Variants in XIRP2 observed in about 807,000 individuals in gnomAD.
XIRP2 encodes xin actin binding repeat containing 2.
XIRP2 carries 236 observed loss-of-function variants against 277.0 expected under a neutral mutation model. That is an observed-to-expected ratio of 0.85 (90% CI 0.77 to 0.95). The LOEUF is 0.95. Among genes scored for constraint, XIRP2 ranks in the 40% least tolerant of loss-of-function variants. The probability of loss-of-function intolerance (pLI) is 0.00; values close to 1 mark genes in which losing one functional copy is unlikely to be tolerated. For synonymous variants in XIRP2, 1,490 were observed against 1,416.5 expected (o/e 1.05, Z -1.17); for missense variants, 4,640 against 4,157.5 (o/e 1.12, Z -3.19).
intron 3 of XIRP2, among the ~76,000 whole-genome samples, chr2:167,191,075 A>G (rs1333580495): frequency 1.3e-5 from 2 of 151,860 alleles, no homozygotes; most frequent in African/African-American, 4.8e-5. Context: ...AGTCTCAGCT[A>G]CTTGGGAGGT....
intron 2 of XIRP2, among the ~76,000 whole-genome samples, chr2:167,120,960 T>C (rs1386598645): frequency 6.6e-6 from 1 of 152,164 alleles, no homozygotes; most frequent in Admixed American, 6.5e-5. Flanking sequence ...GTAGCTACCA[T>C]GTATTGAATG....
chr2:167,245,412 A>C lies in XIRP2; in HGVS notation c.4020A>C (p.Glu1340Asp). 1 of 1,613,780 alleles carries C rather than the reference A, an allele frequency of 6.2e-7. No individual in the cohort carries two copies. The highest frequency in any genetic ancestry group is 8.5e-7 in the Non-Finnish European group (1 of 1,179,760). The stretch of plus-strand genomic sequence containing the variant: ...ATGAAGTGACCACAGTTAAAAAAGA[A>C]GAGGTAATTCATGGAGATGTGCGAG... ...SYHEVTTVKK[E>D]EVIHGDVRGT... The change falls in exon 9 of 11, where the codon GAA becomes GAC. Residue 1340 changes from glutamate to aspartate, a missense_variant. Transcript: ENST00000409195.
intron 2 of XIRP2, among the ~76,000 whole-genome samples, chr2:167,093,161 A>G (rs993021933): frequency 6.6e-6 from 1 of 151,962 alleles, no homozygotes; most frequent in Non-Finnish European, 1.5e-5. Flanking sequence ...TGCGTAATCA[A>G]TGCTATTAAT....
rs537699100 is a variant in XIRP2 at position 166,981,730 on chromosome 2, C to T, written c.408+77840C>T. 5.9e-5 allele frequency among the ~76,000 whole-genome samples: 9 copies of T among 152,206 alleles called. No homozygotes were observed. In the South Asian group the frequency reaches 1.2e-3, roughly 21 times the overall value. On this transcript the variant is annotated intron_variant, in intron 2 of 10. Transcript: ENST00000409195. ...CTCCTCTTCTTATAAGGACATCAGT[C>T]GTGATGGATTAGGGGTCACCACAGT...
chr2:166,928,365 G>T (rs963685928), intron 2 of XIRP2, among the ~76,000 whole-genome samples: 2 of 152,018 alleles, frequency 1.3e-5, no homozygotes, highest in African/African-American at 4.8e-5. Flanking sequence ...CAAGAATTTG[G>T]GTTATACCAC....
chr2:167,017,049 A>G (rs1166490320), intron 2 of XIRP2, among the ~76,000 whole-genome samples: 1 of 151,720 alleles, frequency 6.6e-6, no homozygotes, highest in Non-Finnish European at 1.5e-5. Flanking sequence ...CTGAGCATGC[A>G]CTCTCACAGC....
chr2:167,111,544 A>C (rs777187652), intron 2 of XIRP2, among the ~76,000 whole-genome samples: 1 of 152,196 alleles, frequency 6.6e-6, no homozygotes, highest in Non-Finnish European at 1.5e-5. Context: ...ATGTTGGATT[A>C]GCTTTTTAAT....
intron 2 of XIRP2, among the ~76,000 whole-genome samples, chr2:167,032,519 A>G (rs1014825612): frequency 3.9e-5 from 6 of 152,200 alleles, no homozygotes; most frequent in Non-Finnish European, 8.8e-5. Context: ...GTCAACCTGC[A>G]GAATGGGAGA....
intron 2 of XIRP2, among the ~76,000 whole-genome samples, chr2:167,103,197 G>A (rs769210762): frequency 6.6e-6 from 1 of 152,004 alleles, no homozygotes; most frequent in South Asian, 2.1e-4. Flanking sequence ...GAGGGTTGAG[G>A]GGAGAATATA....
intron 8 of XIRP2, 108 bp downstream of exon 8, chr2:167,242,018 T>A: frequency 7.4e-7 from 1 of 1,352,192 alleles, no homozygotes; most frequent in South Asian, 1.7e-5. Flanking sequence ...CAAAAAAAAA[T>A]TCTGAACTGG....
At chr2:167,154,551 T>G (rs1245505496) in intron 3 of XIRP2, among the ~76,000 whole-genome samples, 1 of 151,986 alleles carries the variant, frequency 6.6e-6, no homozygotes, top group Non-Finnish European at 1.5e-5. Context: ...GGTCTAACAT[T>G]TAAGTCTTTA....
chr2:167,225,601 G>A (rs539158143), intron 5 of XIRP2, among the ~76,000 whole-genome samples: 4 of 152,190 alleles, frequency 2.6e-5, no homozygotes, highest in Admixed American at 2.6e-4. Flanking sequence ...CCTTTCTGCA[G>A]ATAGGCCAGC....
chr2:167,028,068 G>A (rs1375459077), intron 2 of XIRP2, among the ~76,000 whole-genome samples: 1 of 151,986 alleles, frequency 6.6e-6, no homozygotes, highest in Non-Finnish European at 1.5e-5. Flanking sequence ...CTCTACTTCT[G>A]TAAGCATATT....
intron 3 of XIRP2, among the ~76,000 whole-genome samples, chr2:167,159,172 A>G (rs1362252256): frequency 1.3e-5 from 2 of 152,146 alleles, no homozygotes; most frequent in Non-Finnish European, 2.9e-5. Context: ...GAGATTCCAC[A>G]TGCTGCTGGC....
chr2:167,083,420 G>A (rs1044890179), intron 2 of XIRP2, among the ~76,000 whole-genome samples: 34 of 152,190 alleles, frequency 2.2e-4, no homozygotes, highest in Non-Finnish European at 3.1e-4. Flanking sequence ...TTGCCTTGGC[G>A]ATGCGGGCTC....
intron 2 of XIRP2, among the ~76,000 whole-genome samples, chr2:166,934,290 C>T (rs1167325182): frequency 6.6e-6 from 1 of 151,780 alleles, no homozygotes; most frequent in Non-Finnish European, 1.5e-5. Flanking sequence ...TGGAGAAGCC[C>T]ATGTAGCAAG....
intron 2 of XIRP2, among the ~76,000 whole-genome samples, chr2:167,114,410 T>C (rs958572429): frequency 6.6e-6 from 1 of 152,176 alleles, no homozygotes; most frequent in Non-Finnish European, 1.5e-5. Context: ...TGGTCTATTC[T>C]GCTGTTACTA....
chr2:166,998,622 G>A (rs1442170318), intron 2 of XIRP2, among the ~76,000 whole-genome samples: 3 of 152,128 alleles, frequency 2.0e-5, no homozygotes, highest in Non-Finnish European at 4.4e-5. Context: ...GGGTGAAAGA[G>A]CGAGACTCCA....
In XIRP2 at chr2:167,258,316, A is replaced by T; in HGVS notation, c.*499A>T. 1 of 1,613,418 alleles carries T rather than the reference A, an allele frequency of 6.2e-7. No homozygotes were observed. The highest frequency in any genetic ancestry group is 8.5e-7 in the Non-Finnish European group (1 of 1,179,624). On this transcript the variant is annotated 3_prime_UTR_variant, in exon 11 of 11. Coordinates refer to ENST00000409195, the MANE Select transcript of XIRP2 (RefSeq NM_152381.6). ...AAGATGTTAGAACTCCAGAAAATAAAGGACAAAGACAAGATCACTTTCCAT... is the reference window on the plus strand; with the variant it reads ...AAGATGTTAGAACTCCAGAAAATAATGGACAAAGACAAGATCACTTTCCAT...
Sources: gnomAD v4.1 joint callset for allele counts (sites outside exome capture counted in the v4.1 genomes callset) on GRCh38, gnomAD v4.1.1 for gene constraint, MANE v1.5 for transcripts, NCBI Gene and HGNC (gene_info 2026-07-23, HGNC 2026-07-21) for gene names.